Variants in FBH1 observed in about 807,000 individuals in gnomAD.
The protein encoded by FBH1 is F-box DNA helicase 1, also known as DNA 3'-5' helicase 1.
FBH1 carries 43 observed loss-of-function variants against 115.5 expected under a neutral mutation model. That is an observed-to-expected ratio of 0.37 (90% CI 0.29 to 0.48). FBH1 has a LOEUF of 0.48. Among genes scored for constraint, FBH1 ranks in the 20% least tolerant of loss-of-function variants. FBH1 has a pLI of 0.99. For synonymous variants in FBH1, 524 were observed against 507.8 expected (o/e 1.03, Z -0.43); for missense variants, 1,001 against 1,337.3 (o/e 0.75, Z 3.92).
rs1033461465 is a variant in FBH1, at chr10:5,913,502, C to T, written c.1212-245C>T. Among the ~76,000 whole-genome samples, 2 of 152,098 alleles carry T rather than the reference C, an allele frequency of 1.3e-5. No individual in the cohort carries two copies. Among genetic ancestry groups the T allele is most frequent in the Non-Finnish European group, 2.9e-5 (2 of 68,016 alleles). ...GGCGCCCCTCATTCCCTGAAGAGCCCGTCCTGGTCTCTTCCTCCTCTTGGA... is the reference window on the plus strand; with the variant it reads ...GGCGCCCCTCATTCCCTGAAGAGCCTGTCCTGGTCTCTTCCTCCTCTTGGA... On this transcript the variant is annotated intron_variant, in intron 6 of 20. Transcript: ENST00000362091. The surrounding 1 kb of genome is among the most constrained non-coding windows in gnomAD (Gnocchi z 4.4).
intron 10 of FBH1, among the ~76,000 whole-genome samples, 182 bp downstream of exon 10, chr10:5,916,638 T>C (rs1302392598): frequency 3.5e-5 from 4 of 114,648 alleles, no homozygotes; most frequent in African/African-American, 1.4e-4. Flanking sequence ...GATGGGGAAA[T>C]GGGAAGTGTT....
In FBH1 at chr10:5,917,191, T is replaced by C; in HGVS notation, c.1789-229T>C. The C allele has an allele frequency of 1.8e-6, 1 of 561,378 alleles. No individual in the cohort carries two copies. The highest frequency in any genetic ancestry group is 1.9e-5 in the African/African-American group (1 of 53,332). The allele number at this position is 561,378 out of a possible 1,614,324, so 34.8% of individuals were successfully genotyped here. Reference sequence around the variant, plus strand: ...TGGTTCACCTAACTGTTATGATCTCTGTCCTGTCACGGGCATGGCACGGCC... The same window carrying C: ...TGGTTCACCTAACTGTTATGATCTCCGTCCTGTCACGGGCATGGCACGGCC... On this transcript the variant is annotated intron_variant, in intron 10 of 20. Transcript: ENST00000362091. This position sits in a 1 kb window ranked among gnomAD's most constrained non-coding sequence, Gnocchi z 5.6.
Position 5,897,848 on chromosome 10 carries a change from T to G in FBH1, c.2-5172T>G, listed in dbSNP as rs1357838255. On this transcript the variant is annotated intron_variant, in intron 1 of 20. Transcript: ENST00000362091. This position sits in a 1 kb window ranked among gnomAD's most constrained non-coding sequence, Gnocchi z 4.7. The stretch of plus-strand genomic sequence containing the variant: ...TTAGATTTCTGCAAACACTTAATCT[T>G]CGCAACAAGCATTTTGGATTCAGAC... Among the ~76,000 whole-genome samples the G allele has an allele frequency of 4.6e-5, 7 of 152,208 alleles. No individual in the cohort carries two copies. Among genetic ancestry groups the G allele is most frequent in the Non-Finnish European group, 8.8e-5 (6 of 68,028 alleles).
rs1832287539 is a variant in FBH1 at position 5,921,106 on chromosome 10, C to T, written c.2101-152C>T. 1 of 629,424 alleles carries T rather than the reference C, an allele frequency of 1.6e-6. No individual in the cohort carries two copies. Among genetic ancestry groups the T allele is most frequent in the Non-Finnish European group, 2.8e-6 (1 of 358,100 alleles). 39.0% of individuals were successfully genotyped at this position (629,424 alleles called of 1,614,324 possible). A position where few individuals can be genotyped will look rare whatever the true frequency, so the allele number is the denominator to read the frequency against. ...ATAAAGACTGCTGAGTTGTGAAGGA[C>T]CTTGAAAGTGAGCCTGTGAAGTTCG... On this transcript the variant is annotated intron_variant, in intron 13 of 20. Transcript: ENST00000362091. This position sits in a 1 kb window ranked among gnomAD's most constrained non-coding sequence, Gnocchi z 6.4.
At position 5,906,148 on chromosome 10, in the gene FBH1, A is replaced by G. The variant is rs1227547741; in HGVS notation, c.269A>G (p.Glu90Gly). The G allele has an allele frequency of 3.1e-6, 5 of 1,611,858 alleles. No individual in the cohort carries two copies. Among genetic ancestry groups the G allele is most frequent in the Non-Finnish European group, 4.2e-6 (5 of 1,178,738 alleles). Residue 90 changes from glutamate (E) to glycine (G), a missense_variant, in exon 3 of 21, where the codon GAG becomes GGG. By Grantham distance (98) the Glu-to-Gly change is moderately conservative. Coordinates refer to ENST00000362091, the MANE Select transcript of FBH1 (RefSeq NM_178150.3). This position sits in a 1 kb window ranked among gnomAD's most constrained non-coding sequence, Gnocchi z 7.3. Reference sequence around the variant, plus strand: ...GGCCAGGACAGCTGTCAGGACTCTGAGGGTGACATGATCTTTCCTGCAGAG... The same window carrying G: ...GGCCAGGACAGCTGTCAGGACTCTGGGGGTGACATGATCTTTCCTGCAGAG... ...SVGQDSCQDS[E>G]GDMIFPAESS...
At chr10:5,905,398 G>A in intron 2 of FBH1, 1 of 152,424 alleles carries the variant, frequency 6.6e-6, no homozygotes, top group Non-Finnish European at 1.5e-5. Flanking sequence ...TACGCCTGTA[G>A]TCCCAGCTAC....
Position 5,921,492 on chromosome 10 carries a change from C to T in FBH1, c.2245C>T (p.Arg749Trp). Reference sequence around the variant, plus strand: ...AAAGGGGCAAGTGGCCTTGTTGTCCCGGACCAACGCCAACGTGTTTGATGA... The same window carrying T: ...AAAGGGGCAAGTGGCCTTGTTGTCCTGGACCAACGCCAACGTGTTTGATGA... ...DAKGQVALLS[R>W]TNANVFDEAV... is the part of the protein sequence containing the mutation. Residue 749 changes from arginine to tryptophan, a missense_variant, in exon 15 of 21, where the codon CGG becomes TGG. Arg to Trp is a moderately radical substitution (Grantham distance 101). Around this residue, in one of 4 missense-constraint regions of FBH1, gnomAD observed 521 missense variants for 811.0 expected, o/e 0.64. Coordinates refer to ENST00000362091, the MANE Select transcript of FBH1 (RefSeq NM_178150.3). The surrounding 1 kb of genome is among the most constrained non-coding windows in gnomAD (Gnocchi z 6.4). 5.0e-6 allele frequency: 8 copies of T among 1,601,134 alleles called. No homozygotes were observed. The highest frequency in any genetic ancestry group is 5.9e-6 in the Non-Finnish European group (7 of 1,176,838).
At position 5,897,337 on chromosome 10, in the gene FBH1, T is replaced by C. The variant is rs1843066588; in HGVS notation, c.2-5683T>C. Among the ~76,000 whole-genome samples the C allele has an allele frequency of 2.0e-5, 3 of 152,082 alleles. No homozygotes were observed. The South Asian group carries it at 6.2e-4, about 32-fold the overall frequency. On this transcript the variant is annotated intron_variant, in intron 1 of 20. Transcript: ENST00000362091. The surrounding 1 kb of genome is among the most constrained non-coding windows in gnomAD (Gnocchi z 4.7). Reference sequence around the variant, plus strand: ...GCACCCCACAGCCTCGGAGGGGCTTTAAGGGAACATTAAGTGTAAAGCGTG... The same window carrying C: ...GCACCCCACAGCCTCGGAGGGGCTTCAAGGGAACATTAAGTGTAAAGCGTG...
chr10:5,908,515 AT>A (rs1397220834), intron 3 of FBH1, among the ~76,000 whole-genome samples: 2 of 151,646 alleles, frequency 1.3e-5, no homozygotes, highest in Admixed American at 1.3e-4. Flanking sequence ...TTTCTGCCTG[AT>A]TTTCCTGGCT....
chr10:5,906,074 A>G lies in FBH1; in HGVS notation c.195A>G (p.Leu65=). The G allele has an allele frequency of 6.2e-7, 1 of 1,611,980 alleles. No individual in the cohort carries two copies. The highest frequency in any genetic ancestry group is 8.5e-7 in the Non-Finnish European group (1 of 1,178,206). The change falls in exon 3 of 21, where the codon CTA becomes CTG. Residue 65 remains leucine, a synonymous_variant. Coordinates refer to ENST00000362091, the MANE Select transcript of FBH1 (RefSeq NM_178150.3). The surrounding 1 kb of genome is among the most constrained non-coding windows in gnomAD (Gnocchi z 7.3). ...AAAGATGCATCCCTGAGTTCTTCCTAGCAGGCAAGCAGCCGTGCACCAATG... is the reference window on the plus strand; with the variant it reads ...AAAGATGCATCCCTGAGTTCTTCCTGGCAGGCAAGCAGCCGTGCACCAATG... The part of the protein sequence containing the change: ...GSQRCIPEFF[L]AGKQPCTNDM...
rs145970308 is a variant in FBH1, at chr10:5,914,444, C to T, written c.1396+175C>T. On this transcript the variant is annotated intron_variant, in intron 8 of 20. Transcript: ENST00000362091. This position sits in a 1 kb window ranked among gnomAD's most constrained non-coding sequence, Gnocchi z 5.2. ...ATTGGCCAAGGAATACTTACTTCCCCGGACCACTCCATGAACATCCACAGA... is the reference window on the plus strand; with the variant it reads ...ATTGGCCAAGGAATACTTACTTCCCTGGACCACTCCATGAACATCCACAGA... 7.2e-3 allele frequency among the ~76,000 whole-genome samples: 1,095 copies of T among 152,332 alleles called. 4 individuals are homozygous for T. Among genetic ancestry groups the T allele is most frequent in the Non-Finnish European group, 0.012 (798 of 68,036 alleles).
At position 5,909,574 on chromosome 10, in the gene FBH1, T is replaced by G. The variant is rs1356057754; in HGVS notation, c.1020+280T>G. 1.2e-5 allele frequency: 5 copies of G among 403,078 alleles called. No individual in the cohort carries two copies. In the East Asian group the frequency reaches 2.1e-4, roughly 17 times the overall value. The allele number at this position is 403,078 out of a possible 1,614,324, so 25.0% of individuals were successfully genotyped here. Reference sequence around the variant, plus strand: ...CTGAAATATTTCTGAAAAGTGGTCATCTAGCCTCTGAACACTTTTAATAAT... The same window carrying G: ...CTGAAATATTTCTGAAAAGTGGTCAGCTAGCCTCTGAACACTTTTAATAAT... On this transcript the variant is annotated intron_variant, in intron 5 of 20. Transcript: ENST00000362091. The surrounding 1 kb of genome is among the most constrained non-coding windows in gnomAD (Gnocchi z 4.4).
At position 5,913,644 on chromosome 10, in the gene FBH1, T is replaced by C. The variant is rs920285580; in HGVS notation, c.1212-103T>C. Reference sequence around the variant, plus strand: ...TTCCATTAAATGGTGGTAGGTATTTTCTTTTTAGAAATGGGAAGGAGTTTA... The same window carrying C: ...TTCCATTAAATGGTGGTAGGTATTTCCTTTTTAGAAATGGGAAGGAGTTTA... On this transcript the variant is annotated intron_variant, in intron 6 of 20. Coordinates refer to ENST00000362091, the MANE Select transcript of FBH1 (RefSeq NM_178150.3). The surrounding 1 kb of genome is among the most constrained non-coding windows in gnomAD (Gnocchi z 4.4). 2.1e-5 allele frequency: 16 copies of C among 765,132 alleles called. No homozygotes were observed. The highest frequency in any genetic ancestry group is 2.9e-5 in the Non-Finnish European group (14 of 483,126). The allele number at this position is 765,132 out of a possible 1,614,324, so 47.4% of individuals were successfully genotyped here.
At position 5,909,105 on chromosome 10, in the gene FBH1, A is replaced by T; in HGVS notation, c.884+50A>T. 6.2e-7 allele frequency: 1 copy of T among 1,613,642 alleles called. No homozygotes were observed. The highest frequency in any genetic ancestry group is 1.3e-5 in the African/African-American group (1 of 75,040). The stretch of plus-strand genomic sequence containing the variant: ...AAGGCGTCTTTGAAGTCTTCCTTGT[A>T]CATCAGTGCTTATGGTCACCCTACT... On this transcript the variant is annotated intron_variant, in intron 4 of 20. Coordinates refer to ENST00000362091, the MANE Select transcript of FBH1 (RefSeq NM_178150.3). The surrounding 1 kb of genome is among the most constrained non-coding windows in gnomAD (Gnocchi z 4.4).
chr10:5,894,404 G>A (rs914533649), intron 1 of FBH1: 3 of 1,611,774 alleles, frequency 1.9e-6, no homozygotes, highest in Non-Finnish European at 1.7e-6. Context: ...AAGGTGTCTA[G>A]ATACAGAGTG....
intron 1 of FBH1, among the ~76,000 whole-genome samples, chr10:5,896,732 C>G (rs1317155035): frequency 1.3e-5 from 2 of 152,072 alleles, no homozygotes; most frequent in African/African-American, 4.8e-5. Context: ...ACAAGAACCC[C>G]TAGTTTAGAC....
rs980313110 is a variant in FBH1, at chr10:5,915,777, G to A, written c.1565+206G>A. On this transcript the variant is annotated intron_variant, in intron 9 of 20. Transcript: ENST00000362091. The surrounding 1 kb of genome is among the most constrained non-coding windows in gnomAD (Gnocchi z 5.2). ...CAACATATTGTTTACATATAATGCC[G>A]TCTTGCCAAGAGGGGTGTTCTCATG... The A allele has an allele frequency of 3.5e-5, 20 of 571,794 alleles. No individual in the cohort carries two copies. Among genetic ancestry groups the A allele is most frequent in the African/African-American group, 2.4e-4 (13 of 53,302 alleles). 35.4% of individuals were successfully genotyped at this position (571,794 alleles called of 1,614,324 possible). A position where few individuals can be genotyped will look rare whatever the true frequency, so the allele number is the denominator to read the frequency against.
In FBH1 at chr10:5,917,472, A is replaced by G. The variant is rs1414780887; in HGVS notation, c.1841A>G (p.Glu614Gly). The G allele has an allele frequency of 1.2e-6, 2 of 1,613,982 alleles. No homozygotes were observed. The highest frequency in any genetic ancestry group is 2.7e-5 in the African/African-American group (2 of 74,900). Residue 614 changes from glutamate (E) to glycine (G), a missense_variant, in exon 11 of 21, where the codon GAG becomes GGG. Around this residue, in one of 4 missense-constraint regions of FBH1, gnomAD observed 521 missense variants for 811.0 expected, o/e 0.64. Transcript: ENST00000362091. The surrounding 1 kb of genome is among the most constrained non-coding windows in gnomAD (Gnocchi z 5.6). ...RLWDNMRKLGECTEEAHQMTH... is the reference protein window; with the variant it reads ...RLWDNMRKLGGCTEEAHQMTH... ...TGGGATAACATGCGGAAGCTGGGGG[A>G]GTGCACAGAAGAGGCGCACCAGATG...
In FBH1 at chr10:5,918,203, G is replaced by A. The variant is rs945380988; in HGVS notation, c.1964-139G>A. 1.7e-5 allele frequency: 15 copies of A among 908,504 alleles called. No individual in the cohort carries two copies. Among genetic ancestry groups the A allele is most frequent in the Non-Finnish European group, 2.0e-5 (12 of 592,942 alleles). The allele number at this position is 908,504 out of a possible 1,614,324, so 56.3% of individuals were successfully genotyped here. A position where few individuals can be genotyped will look rare whatever the true frequency, so the allele number is the denominator to read the frequency against. ...ATAAAATGGCTGCTTTTGATGGAGT[G>A]TGCCTGTCCTACAGGAAAAGGCGAC... On this transcript the variant is annotated intron_variant, in intron 12 of 20. Transcript: ENST00000362091. The surrounding 1 kb of genome is among the most constrained non-coding windows in gnomAD (Gnocchi z 4.0).
Sources: allele counts gnomAD v4.1 joint callset (sites outside exome capture counted in the v4.1 genomes callset), GRCh38; gene constraint gnomAD v4.1.1; regional missense constraint gnomAD v4.1.1; non-coding constraint Gnocchi (gnomAD v3.1); transcripts MANE v1.5; gene names NCBI Gene and HGNC (gene_info 2026-07-23, HGNC 2026-07-21).